The following DPYD variants were observed in gnomAD, a reference collection of about 807,000 sequenced individuals.
The protein encoded by DPYD is dihydropyrimidine dehydrogenase [NADP(+)].
A neutral mutation model predicts 116.2 loss-of-function variants in DPYD; 109 were observed. That is an observed-to-expected ratio of 0.94 (90% CI 0.80 to 1.10). The LOEUF (loss-of-function observed/expected upper bound fraction) is 1.10, where lower values mean the gene tolerates loss of function less well. Ranked by LOEUF, DPYD falls within the 50% of genes least tolerant of loss-of-function variation. DPYD has a pLI of 0.00. For synonymous variants in DPYD, 440 were observed against 432.0 expected (o/e 1.02, Z -0.23); for missense variants, 1,302 against 1,254.5 (o/e 1.04, Z -0.57).
At chr1:97,186,663 A>C (rs1361058611) in intron 20 of DPYD, among the ~76,000 whole-genome samples, 1 of 152,144 alleles carries the variant, frequency 6.6e-6, no homozygotes, top group African/African-American at 2.4e-5. Context: ...AGCCTGGACA[A>C]CATGGAGGAA....
intron 20 of DPYD, among the ~76,000 whole-genome samples, chr1:97,145,366 G>T (rs1654538637): frequency 6.6e-6 from 1 of 152,138 alleles, no homozygotes; most frequent in African/African-American, 2.4e-5. Flanking sequence ...TTAAGCCAAA[G>T]CTCTCTTTTG....
chr1:97,093,147 CA>C (rs1650006478), intron 21 of DPYD, among the ~76,000 whole-genome samples: 1 of 152,064 alleles, frequency 6.6e-6, no homozygotes, highest in Admixed American at 6.6e-5. Flanking sequence ...CTATGTAGCT[CA>C]TATCAAAAAA....
chr1:97,295,899 G>T (rs1341514207), intron 18 of DPYD: 3 of 245,130 alleles, frequency 1.2e-5, no homozygotes, highest in Non-Finnish European at 2.0e-5. Flanking sequence ...ACTTTACACA[G>T]AAATCTATAT....
intron 13 of DPYD, among the ~76,000 whole-genome samples, chr1:97,470,599 C>T (rs1040313146): frequency 5.3e-5 from 8 of 152,086 alleles, no homozygotes; most frequent in African/African-American, 1.4e-4. Flanking sequence ...TATAACTGCA[C>T]GAGGATACTG....
chr1:97,489,290 GA>G (rs1209916526), intron 13 of DPYD, among the ~76,000 whole-genome samples: 9 of 152,104 alleles, frequency 5.9e-5, no homozygotes. Flanking sequence ...TTCCTACCTT[GA>G]AGTTAAGGCA....
chr1:97,344,158 T>A (rs1669721191), intron 16 of DPYD, among the ~76,000 whole-genome samples: 1 of 151,848 alleles, frequency 6.6e-6, no homozygotes, highest in African/African-American at 2.4e-5. Context: ...GATAATTTAT[T>A]ATTGGTCATT....
At chr1:97,120,739 T>A (rs1176597450) in intron 20 of DPYD, among the ~76,000 whole-genome samples, 2 of 152,210 alleles carry the variant, frequency 1.3e-5, no homozygotes, top group African/African-American at 4.8e-5. Context: ...AAGCCCTCCA[T>A]GTTTTCCTGT....
chr1:97,469,607 T>G (rs1159347253), intron 13 of DPYD, among the ~76,000 whole-genome samples: 1 of 152,122 alleles, frequency 6.6e-6, no homozygotes, highest in Non-Finnish European at 1.5e-5. Flanking sequence ...CATTAGCATA[T>G]TGATAAGTTT....
chr1:97,650,131 T>C (rs1468961254), intron 8 of DPYD, among the ~76,000 whole-genome samples: 1 of 152,106 alleles, frequency 6.6e-6, no homozygotes, highest in East Asian at 1.9e-4. Flanking sequence ...TCCCTTAGAA[T>C]GCACCCTCAT....
chr1:97,084,505 T>A (rs951067344), intron 21 of DPYD, among the ~76,000 whole-genome samples: 2 of 151,812 alleles, frequency 1.3e-5, no homozygotes, highest in African/African-American at 4.8e-5. Context: ...TTCTTAAAAA[T>A]TTTTTTTGAT....
At chr1:97,866,472 A>G (rs1477573793) in intron 2 of DPYD, among the ~76,000 whole-genome samples, 2 of 151,970 alleles carry the variant, frequency 1.3e-5, no homozygotes, top group African/African-American at 4.8e-5. Context: ...ATAGTAGCAT[A>G]GTTTAGTCTC....
rs72979728 is a variant in DPYD, at chr1:97,845,215, C to G, written c.151-17019G>C. ...TCCTGAAGCATGAGGGCTGGACTGT[C>G]AGTTCCAGGTGGAGTCCCTGGAGTT... On this transcript the variant is annotated intron_variant, in intron 2 of 22. Transcript: ENST00000370192. Among the ~76,000 whole-genome samples, 1,274 of 152,324 alleles carry G rather than the reference C, an allele frequency of 8.4e-3. 24 individuals are homozygous for G. The highest frequency in any genetic ancestry group is 0.029 in the African/African-American group (1,199 of 41,568).
chr1:97,114,912 T>C (rs1274681214), intron 20 of DPYD, among the ~76,000 whole-genome samples: 1 of 152,240 alleles, frequency 6.6e-6, no homozygotes, highest in Admixed American at 6.5e-5. Flanking sequence ...AGAGCCATTG[T>C]AATCCATCTC....
At position 97,448,858 on chromosome 1, in the gene DPYD, T is replaced by C. The variant is rs377552585; in HGVS notation, c.1905+1201A>G. ...CGACTATCTTGAGGAAGATAAATTA[T>C]ATTTGTCCTATGTGCATGTATTTTA... On this transcript the variant is annotated intron_variant, in intron 14 of 22. Coordinates refer to ENST00000370192, the MANE Select transcript of DPYD (RefSeq NM_000110.4). Among the ~76,000 whole-genome samples, 27 of 152,252 alleles carry C rather than the reference T, an allele frequency of 1.8e-4. No homozygotes were observed. The East Asian group carries it at 3.1e-3, about 17-fold the overall frequency.
intron 18 of DPYD, among the ~76,000 whole-genome samples, chr1:97,277,543 C>A (rs1446875006): frequency 6.6e-6 from 1 of 152,076 alleles, no homozygotes; most frequent in Non-Finnish European, 1.5e-5. Flanking sequence ...ATGCTCAGCC[C>A]AAACTATTTG....
intron 2 of DPYD, among the ~76,000 whole-genome samples, chr1:97,846,858 C>T (rs998709755): frequency 6.6e-6 from 1 of 152,102 alleles, no homozygotes; most frequent in South Asian, 2.1e-4. Context: ...TCAAAATGTA[C>T]AACTAATAAA....
intron 19 of DPYD, among the ~76,000 whole-genome samples, chr1:97,224,180 G>T (rs1333728): frequency 0.061 from 9,334 of 152,060 alleles, 382 homozygotes; most frequent in Middle Eastern, 0.12. Context: ...GTTGACTGAA[G>T]AACTTATAAG....
At chr1:97,525,895 C>CGTGT (rs34460898) in intron 12 of DPYD, among the ~76,000 whole-genome samples, 9 of 127,192 alleles carry the variant, frequency 7.1e-5, no homozygotes, top group Non-Finnish European at 1.3e-4. Context: ...TGCGCGCGCG[C>CGTGT]GTGTGTGTGT....
At chr1:97,889,739 C>T (rs1672685472) in intron 1 of DPYD, among the ~76,000 whole-genome samples, 1 of 151,932 alleles carries the variant, frequency 6.6e-6, no homozygotes, top group African/African-American at 2.4e-5. Flanking sequence ...ACTTGAATAA[C>T]AACTATAAAT....
Sources: allele counts gnomAD v4.1 joint callset (sites outside exome capture counted in the v4.1 genomes callset), GRCh38; gene constraint gnomAD v4.1.1; transcripts MANE v1.5; gene names NCBI Gene and HGNC (gene_info 2026-07-23, HGNC 2026-07-21).